The following MFAP1 variants were observed in gnomAD, a reference collection of about 807,000 sequenced individuals.
The protein encoded by MFAP1 is microfibril associated protein 1.
MFAP1 carries 18 observed loss-of-function variants against 62.2 expected under a neutral mutation model. The observed-to-expected ratio is 0.29, with a 90% CI of 0.20 to 0.43. MFAP1 has a LOEUF of 0.43. MFAP1 is among the 20% of genes least tolerant of loss of function. The pLI, the probability that MFAP1 is intolerant of heterozygous loss-of-function variation, is 1.00. For synonymous variants in MFAP1, 175 were observed against 180.4 expected (o/e 0.97, Z 0.24); for missense variants, 355 against 559.7 (o/e 0.63, Z 3.69).
At chr15:43,820,070 C>T (rs1249142760) in intron 1 of MFAP1, among the ~76,000 whole-genome samples, 1 of 152,200 alleles carries the variant, frequency 6.6e-6, no homozygotes, top group Non-Finnish European at 1.5e-5. Flanking sequence ...ATGGCGTGAA[C>T]CCGGGACACA....
Position 43,817,279 on chromosome 15 carries a change from G to A in MFAP1, c.249C>T (p.Asp83=), listed in dbSNP as rs2087439604. The change falls in exon 2 of 9, where the codon GAC becomes GAT. Residue 83 remains aspartate, a synonymous_variant. Transcript: ENST00000267812. Reference sequence around the variant, plus strand: ...GGTTCTGTAAACGCCGTAGCCGGGGGTCACTGGATGAATCCTCCTCCTGTT... The same window carrying A: ...GGTTCTGTAAACGCCGTAGCCGGGGATCACTGGATGAATCCTCCTCCTGTT... The part of the protein sequence containing the change: ...PEEQEEDSSS[D]PRLRRLQNRI... The A allele has an allele frequency of 6.2e-6, 10 of 1,614,074 alleles. No individual in the cohort carries two copies. In the East Asian group the frequency reaches 2.2e-4, roughly 36 times the overall value.
At chr15:43,814,814 C>T in intron 3 of MFAP1, 126 bp from the exon 4 acceptor site, 1 of 1,489,256 alleles carries the variant, frequency 6.7e-7, no homozygotes, top group East Asian at 2.3e-5. Flanking sequence ...AATCCTATCC[C>T]CACAAACAAG....
chr15:43,817,131 A>G (rs903052720), intron 2 of MFAP1, 98 bp downstream of exon 2: 1 of 1,187,922 alleles, frequency 8.4e-7, no homozygotes, highest in Non-Finnish European at 1.2e-6. Flanking sequence ...GAATTAGCAA[A>G]TGTAATCTAC....
At position 43,817,287 on chromosome 15, in the gene MFAP1, A is replaced by T. The variant is rs564183799; in HGVS notation, c.241T>A (p.Ser81Thr). The change falls in exon 2 of 9, where the codon TCC (serine) becomes ACC (threonine). Residue 81 changes from serine to threonine, a missense_variant. By Grantham distance (58) the Ser-to-Thr change is moderately conservative. This residue lies in a region of MFAP1 where 257 missense variants were observed against 341.3 expected (regional missense o/e 0.75). Transcript: ENST00000267812. Reference protein sequence around the residue: ...AEPEEQEEDSSSDPRLRRLQN... With the variant: ...AEPEEQEEDSTSDPRLRRLQN... ...AAACGCCGTAGCCGGGGGTCACTGGATGAATCCTCCTCCTGTTCCTCAGGC... is the reference window on the plus strand; with the variant it reads ...AAACGCCGTAGCCGGGGGTCACTGGTTGAATCCTCCTCCTGTTCCTCAGGC... 6.2e-7 allele frequency: 1 copy of T among 1,614,096 alleles called. No individual in the cohort carries two copies. Among genetic ancestry groups the T allele is most frequent in the Admixed American group, 1.7e-5 (1 of 59,984 alleles).
Position 43,812,984 on chromosome 15 carries a change from C to T in MFAP1, c.887+3G>A, listed in dbSNP as rs1455898127. On this transcript the variant is annotated splice_donor_region_variant and intron_variant, in intron 6 of 8. Coordinates refer to ENST00000267812, the MANE Select transcript of MFAP1 (RefSeq NM_005926.3). ...TTAACTCTAGGCTCATCTTTTTACT[C>T]ACGCTTCTCGATCTTCTCTGTCCCT... The T allele has an allele frequency of 3.7e-6, 6 of 1,613,822 alleles. No individual in the cohort carries two copies. The highest frequency in any genetic ancestry group is 2.2e-5 in the East Asian group (1 of 44,880).
rs2087353758 is a variant in MFAP1 at position 43,804,987 on chromosome 15, C to T, written c.*107G>A. 4.0e-6 allele frequency: 5 copies of T among 1,255,356 alleles called. No homozygotes were observed. The highest frequency in any genetic ancestry group is 5.5e-6 in the Non-Finnish European group (5 of 902,940). 77.8% of individuals were successfully genotyped at this position (1,255,356 alleles called of 1,614,324 possible). A position where few individuals can be genotyped will look rare whatever the true frequency, so the allele number is the denominator to read the frequency against. ...CAGTATCACAAGTATAGCAGTAAGTCCAATATCTGGATACAGGGGCCAAGG... is the reference window on the plus strand; with the variant it reads ...CAGTATCACAAGTATAGCAGTAAGTTCAATATCTGGATACAGGGGCCAAGG... On this transcript the variant is annotated 3_prime_UTR_variant, in exon 9 of 9. Transcript: ENST00000267812.
chr15:43,816,231 T>A (rs1165019563), intron 2 of MFAP1, among the ~76,000 whole-genome samples: 1 of 145,208 alleles, frequency 6.9e-6, no homozygotes, highest in East Asian at 2.1e-4. Context: ...TAATTTTATT[T>A]TTTTTTCTTT....
At chr15:43,822,379 C>CT (rs1225676529) in intron 1 of MFAP1, among the ~76,000 whole-genome samples, 1 of 151,872 alleles carries the variant, frequency 6.6e-6, no homozygotes, top group Non-Finnish European at 1.5e-5. Flanking sequence ...AGTTTGTTTT[C>CT]TTTTTTTTCT....
At chr15:43,814,894 T>C in intron 3 of MFAP1, 51 bp downstream of exon 3, 1 of 1,607,058 alleles carries the variant, frequency 6.2e-7, no homozygotes, top group Non-Finnish European at 8.5e-7. Context: ...AGCACTGGCA[T>C]GAACTTTTTC....
At chr15:43,809,701 A>C in intron 7 of MFAP1, 54 bp downstream of exon 7, 1 of 1,568,464 alleles carries the variant, frequency 6.4e-7, no homozygotes, top group Non-Finnish European at 8.7e-7. Context: ...AATAATTCAA[A>C]GTTTCTGAGT....
At chr15:43,811,530 TAG>T (rs1264229403) in intron 6 of MFAP1, among the ~76,000 whole-genome samples, 2 of 149,218 alleles carry the variant, frequency 1.3e-5, no homozygotes, top group Admixed American at 6.7e-5. Flanking sequence ...TTTTTCCAGA[TAG>T]AGTCTCACTC....
intron 7 of MFAP1, among the ~76,000 whole-genome samples, chr15:43,809,337 CAAAAAAAA>C (rs1170635608): frequency 9.1e-6 from 1 of 109,588 alleles, no homozygotes; most frequent in Non-Finnish European, 2.0e-5. Flanking sequence ...AAAAAATAAC[CAAAAAAAA>C]AAAAAAAGCC....
chr15:43,821,191 CAACA>C (rs1270413455), intron 1 of MFAP1, among the ~76,000 whole-genome samples: 15 of 152,080 alleles, frequency 9.9e-5, no homozygotes, highest in African/African-American at 3.4e-4. Context: ...GGAATAAATC[CAACA>C]AACAATGTAC....
At chr15:43,824,432 A>C in intron 1 of MFAP1, 59 bp downstream of exon 1, 4 of 1,572,006 alleles carry the variant, frequency 2.5e-6, no homozygotes, top group Non-Finnish European at 3.5e-6. Context: ...AGAGGTCTGG[A>C]GGTTGCTGGG....
chr15:43,817,781 A>G (rs192911664), intron 1 of MFAP1, among the ~76,000 whole-genome samples: 3 of 152,316 alleles, frequency 2.0e-5, no homozygotes, highest in African/African-American at 7.2e-5. Flanking sequence ...ATCCCACCTC[A>G]ACTATACCCT....
At chr15:43,810,590 A>G (rs1438032244) in intron 6 of MFAP1, among the ~76,000 whole-genome samples, 1 of 151,984 alleles carries the variant, frequency 6.6e-6, no homozygotes, top group Non-Finnish European at 1.5e-5. Context: ...GATGGTCTCA[A>G]TCTCCTGACC....
chr15:43,811,014 C>T (rs563789761), intron 6 of MFAP1, among the ~76,000 whole-genome samples: 2 of 151,542 alleles, frequency 1.3e-5, no homozygotes, highest in East Asian at 4.0e-4. Flanking sequence ...CTCGGCCTCC[C>T]AAATTGTTGG....
chr15:43,814,471 G>A, intron 4 of MFAP1, 30 bp downstream of exon 4: 1 of 1,565,632 alleles, frequency 6.4e-7, no homozygotes, highest in East Asian at 2.3e-5. Flanking sequence ...GTAATTAAGT[G>A]GATTCAGATC....
At chr15:43,808,748 A>G (rs1239175377) in intron 7 of MFAP1, among the ~76,000 whole-genome samples, 1 of 152,254 alleles carries the variant, frequency 6.6e-6, no homozygotes, top group Non-Finnish European at 1.5e-5. Flanking sequence ...CCGCCACTGA[A>G]GTTTTAACAG....
Sources: allele counts gnomAD v4.1 joint callset (sites outside exome capture counted in the v4.1 genomes callset), GRCh38; gene constraint gnomAD v4.1.1; regional missense constraint gnomAD v4.1.1; transcripts MANE v1.5; gene names NCBI Gene and HGNC (gene_info 2026-07-23, HGNC 2026-07-21).